Variants in MMAB observed in about 807,000 individuals in gnomAD.
MMAB encodes corrinoid adenosyltransferase MMAB.
In MMAB, 17 loss-of-function variants were observed where a neutral mutation model predicts 30.6. That is an observed-to-expected ratio of 0.56 (90% CI 0.38 to 0.83). The LOEUF (loss-of-function observed/expected upper bound fraction) is 0.83. MMAB is among the 40% of genes least tolerant of loss of function. The pLI is 0.00. For synonymous variants in MMAB, 134 were observed against 138.6 expected (o/e 0.97, Z 0.23); for missense variants, 311 against 331.6 (o/e 0.94, Z 0.48).
rs1884227979 is a variant in MMAB at position 109,561,920 on chromosome 12, G to C, written c.349-68C>G. On this transcript the variant is annotated intron_variant, in intron 4 of 8. Coordinates refer to ENST00000545712, the MANE Select transcript of MMAB (RefSeq NM_052845.4). The surrounding 1 kb of genome is among the most constrained non-coding windows in gnomAD (Gnocchi z 5.3). ...GGGCTGGACAGAGACAATGTGCAGA[G>C]GCGCCACCTAATACGCCGGCAAAGC... is the stretch of plus-strand genomic sequence containing the variant. 7.0e-7 allele frequency: 1 copy of C among 1,421,286 alleles called. No individual in the cohort carries two copies. Among genetic ancestry groups the C allele is most frequent in the Non-Finnish European group, 9.7e-7 (1 of 1,027,456 alleles). The allele number at this position is 1,421,286 out of a possible 1,614,324, so 88.0% of individuals were successfully genotyped here. A position where few individuals can be genotyped will look rare whatever the true frequency, so the allele number is the denominator to read the frequency against.
chr12:109,571,769 C>T, intron 1 of MMAB, 59 bp from the exon 2 acceptor site: 5 of 1,464,958 alleles, frequency 3.4e-6, no homozygotes, highest in Non-Finnish European at 4.8e-6. Flanking sequence ...AGAGGGTCAG[C>T]TCCTTCAGAG....
intron 8 of MMAB, among the ~76,000 whole-genome samples, chr12:109,557,364 C>T (rs1224542527): frequency 2.0e-5 from 3 of 152,254 alleles, no homozygotes; most frequent in African/African-American, 4.8e-5. Context: ...GGGGCCATTC[C>T]TGCAGGATGA....
rs1385514124 is a variant in MMAB at position 109,573,343 on chromosome 12, T to C, written c.134+4A>G. The C allele has an allele frequency of 6.2e-7, 1 of 1,613,046 alleles. No individual in the cohort carries two copies. The highest frequency in any genetic ancestry group is 1.3e-5 in the African/African-American group (1 of 74,870). On this transcript the variant is annotated splice_donor_region_variant and intron_variant, in intron 1 of 8. Coordinates refer to ENST00000545712, the MANE Select transcript of MMAB (RefSeq NM_052845.4). ...TCGAGTTGCCCTTCCCGCCAGCCAC[T>C]CACCTGTCCCCGTCTTCCACGCCCT...
chr12:109,564,135 C>G (rs866742928), intron 4 of MMAB, among the ~76,000 whole-genome samples: 1 of 152,200 alleles, frequency 6.6e-6, no homozygotes, highest in Admixed American at 6.5e-5. Flanking sequence ...CATTCAAGGC[C>G]GGGTCATTCT....
At position 109,571,680 on chromosome 12, in the gene MMAB, G is replaced by A. The variant is rs2136210798; in HGVS notation, c.165C>T (p.Ile55=). Residue 55 remains isoleucine (I), a synonymous_variant, in exon 2 of 9, where the codon ATC becomes ATT. Transcript: ENST00000545712. The part of the protein sequence containing the change: ...RPQPSSKTPR[I]PKIYTKTGDK... ...CTCCCGTTTTGGTGTAAATCTTGGG[G>A]ATCCTGGGTGTCTTCGAGGAAGGCT... The A allele has an allele frequency of 6.2e-7, 1 of 1,614,148 alleles. No individual in the cohort carries two copies. The highest frequency in any genetic ancestry group is 8.5e-7 in the Non-Finnish European group (1 of 1,180,002).
At chr12:109,562,310 T>G (rs1884242988) in intron 4 of MMAB, among the ~76,000 whole-genome samples, 1 of 152,236 alleles carries the variant, frequency 6.6e-6, no homozygotes, top group Non-Finnish European at 1.5e-5. Context: ...AAACTTCTTT[T>G]CTTTATAAAT....
At position 109,561,053 on chromosome 12, in the gene MMAB, G is replaced by T. The variant is rs376128990; in HGVS notation, c.571C>A (p.Arg191=). 1.3e-6 allele frequency: 2 copies of T among 1,510,370 alleles called. No individual in the cohort carries two copies. The highest frequency in any genetic ancestry group is 1.8e-6 in the Non-Finnish European group (2 of 1,117,336). The allele number at this position is 1,510,370 out of a possible 1,614,324, so 93.6% of individuals were successfully genotyped here. ...CAGCCCTCTTACCGTCTCTCGGCCC[G>T]GCGGCACACGGCCCGGCAGAAATGC... The part of the protein sequence containing the change: ...ALHFCRAVCR[R]AERRVVPLVQ... Residue 191 remains arginine (R), a synonymous_variant, in exon 7 of 9, where the codon CGG becomes AGG. Coordinates refer to ENST00000545712, the MANE Select transcript of MMAB (RefSeq NM_052845.4). The surrounding 1 kb of genome is among the most constrained non-coding windows in gnomAD (Gnocchi z 5.3).
intron 4 of MMAB, among the ~76,000 whole-genome samples, chr12:109,562,465 C>G (rs1884248896): frequency 6.6e-6 from 1 of 152,144 alleles, no homozygotes; most frequent in African/African-American, 2.4e-5. Flanking sequence ...TGAGGGGGAC[C>G]TGGTGTGGCT....
intron 4 of MMAB, among the ~76,000 whole-genome samples, chr12:109,563,841 G>A (rs546285731): frequency 3.9e-5 from 6 of 152,368 alleles, no homozygotes; most frequent in Non-Finnish European, 7.4e-5. Flanking sequence ...CAGAACGGAA[G>A]TGGGAAGGGC....
chr12:109,565,292 C>T (rs1884379115), intron 3 of MMAB, 116 bp from the exon 4 acceptor site: 3 of 805,120 alleles, frequency 3.7e-6, no homozygotes, highest in Non-Finnish European at 6.5e-6. Flanking sequence ...CTATAATAGC[C>T]ATGTTATTTT....
chr12:109,554,718 G>A lies in MMAB; in HGVS notation c.*2310C>T, dbSNP rs1195812087. On this transcript the variant is annotated 3_prime_UTR_variant, in exon 9 of 9. Coordinates refer to ENST00000545712, the MANE Select transcript of MMAB (RefSeq NM_052845.4). The stretch of plus-strand genomic sequence containing the variant: ...CAAAATATGGGAGGACATTTGCTCA[G>A]TGTACAGAGGGGTACACATCTTTTC... 2.2e-6 allele frequency: 1 copy of A among 454,014 alleles called. No homozygotes were observed. Among genetic ancestry groups the A allele is most frequent in the African/African-American group, 2.0e-5 (1 of 49,998 alleles). 28.1% of individuals were successfully genotyped at this position (454,014 alleles called of 1,614,324 possible).
rs1316785646 is a variant in MMAB at position 109,555,915 on chromosome 12, A to G, written c.*1113T>C. Reference sequence around the variant, plus strand: ...TGTCCCGAGCCTAGCGCGGTGGCCCATGCTAAGCAGCCACTCAGTCAATAT... The same window carrying G: ...TGTCCCGAGCCTAGCGCGGTGGCCCGTGCTAAGCAGCCACTCAGTCAATAT... On this transcript the variant is annotated 3_prime_UTR_variant, in exon 9 of 9. Coordinates refer to ENST00000545712, the MANE Select transcript of MMAB (RefSeq NM_052845.4). 1 of 454,006 alleles carries G rather than the reference A, an allele frequency of 2.2e-6. No homozygotes were observed. Among genetic ancestry groups the G allele is most frequent in the East Asian group, 6.9e-5 (1 of 14,412 alleles). The allele number at this position is 454,006 out of a possible 1,614,324, so 28.1% of individuals were successfully genotyped here. A position where few individuals can be genotyped will look rare whatever the true frequency, so the allele number is the denominator to read the frequency against.
rs138757561 is a variant in MMAB at position 109,571,906 on chromosome 12, G to A, written c.135-196C>T. On this transcript the variant is annotated intron_variant, in intron 1 of 8. Coordinates refer to ENST00000545712, the MANE Select transcript of MMAB (RefSeq NM_052845.4). ...CAAACATTTTGTGGGCAAGACCAGA[G>A]CTGGATGACAGAGTGTGTAGAGTAG... Among the ~76,000 whole-genome samples the A allele has an allele frequency of 2.8e-3, 428 of 152,326 alleles. 4 individuals are homozygous for A. The highest frequency in any genetic ancestry group is 0.01 in the African/African-American group (416 of 41,564).
Position 109,553,820 on chromosome 12 carries a change from C to G in MMAB, c.*3208G>C. 2 of 452,882 alleles carry G rather than the reference C, an allele frequency of 4.4e-6. No homozygotes were observed. The highest frequency in any genetic ancestry group is 4.4e-6 in the Non-Finnish European group (1 of 225,766). 28.1% of individuals were successfully genotyped at this position (452,882 alleles called of 1,614,324 possible). ...TTCAGTAGTGATCACTGGGACAGGG[C>G]GATCATAAAACTGAATGGGCTGTCG... is the stretch of plus-strand genomic sequence containing the variant. On this transcript the variant is annotated 3_prime_UTR_variant, in exon 9 of 9. Coordinates refer to ENST00000545712, the MANE Select transcript of MMAB (RefSeq NM_052845.4).
At chr12:109,565,649 G>A (rs889872925) in intron 3 of MMAB, among the ~76,000 whole-genome samples, 1 of 152,194 alleles carries the variant, frequency 6.6e-6, no homozygotes, top group Non-Finnish European at 1.5e-5. Flanking sequence ...GTTCAGGAGC[G>A]TGATATTCAG....
chr12:109,566,107 G>A (rs1884415317), intron 3 of MMAB, among the ~76,000 whole-genome samples: 1 of 152,206 alleles, frequency 6.6e-6, no homozygotes, highest in African/African-American at 2.4e-5. Flanking sequence ...ACTCAGCAGG[G>A]AGGGAGTTAG....
rs763659137 is a variant in MMAB, at chr12:109,555,023, C to G, written c.*2005G>C. On this transcript the variant is annotated 3_prime_UTR_variant, in exon 9 of 9. Transcript: ENST00000545712. The stretch of plus-strand genomic sequence containing the variant: ...GACACCCGGTCCTGGAAGGACAGGA[C>G]TTGGCAACAGGTGAACGGCCTTGTT... 3.1e-5 allele frequency: 14 copies of G among 454,100 alleles called. No homozygotes were observed. The highest frequency in any genetic ancestry group is 2.2e-4 in the South Asian group (14 of 64,482). 28.1% of individuals were successfully genotyped at this position (454,100 alleles called of 1,614,324 possible).
rs748215399 is a variant in MMAB, at chr12:109,559,175, T to A, written c.585-20A>T. On this transcript the variant is annotated intron_variant, in intron 7 of 8. Coordinates refer to ENST00000545712, the MANE Select transcript of MMAB (RefSeq NM_052845.4). ...ACCACACTAGAAAGGGAGGAGACAC[T>A]GAGTCACGTGACATTATGGGGCTCA... 6.3e-7 allele frequency: 1 copy of A among 1,598,098 alleles called. No homozygotes were observed. Among genetic ancestry groups the A allele is most frequent in the African/African-American group, 1.3e-5 (1 of 74,580 alleles).
chr12:109,557,193 T>A, intron 8 of MMAB, 57 bp from the exon 9 acceptor site: 1 of 1,142,450 alleles, frequency 8.8e-7, no homozygotes, highest in Non-Finnish European at 1.3e-6. Context: ...AGATCAACGC[T>A]AACTGGGTCT....
Sources: allele counts gnomAD v4.1 joint callset (sites outside exome capture counted in the v4.1 genomes callset), GRCh38; gene constraint gnomAD v4.1.1; non-coding constraint Gnocchi (gnomAD v3.1); transcripts MANE v1.5; gene names NCBI Gene and HGNC (gene_info 2026-07-23, HGNC 2026-07-21).